Variants in SDK1 observed in about 807,000 individuals in gnomAD.
SDK1 encodes the protein protein sidekick-1.
SDK1 carries 157 observed loss-of-function variants against 245.5 expected under a neutral mutation model. The observed-to-expected ratio is 0.64, with a 90% confidence interval of 0.56 to 0.73. SDK1 has a LOEUF of 0.73. Ranked by LOEUF, SDK1 falls within the 30% of genes least tolerant of loss-of-function variation. The probability of loss-of-function intolerance (pLI) is 0.00; values close to 1 mark genes in which losing one functional copy is unlikely to be tolerated. For synonymous variants in SDK1, 1,647 were observed against 1,278.5 expected, an observed-to-expected ratio of 1.29 and a Z score of -6.15; for missense variants, 3,583 against 3,002.3, an observed-to-expected ratio of 1.19 and a Z score of -4.52.
At chr7:3,462,894 C>A (rs1003966283) in intron 1 of SDK1, among the ~76,000 whole-genome samples, 1 of 152,176 alleles carries the variant, frequency 6.6e-6, no homozygotes, top group Non-Finnish European at 1.5e-5. Context: ...ATGTTACCCC[C>A]ACCAGGTTAT....
At chr7:3,392,026 A>G (rs1404122724) in intron 1 of SDK1, among the ~76,000 whole-genome samples, 3 of 151,466 alleles carry the variant, frequency 2.0e-5, no homozygotes, top group African/African-American at 7.3e-5. Context: ...AAGACCATAC[A>G]AGGCTTTTAT....
In SDK1 at chr7:4,110,727, C is replaced by T. The variant is rs1229863512; in HGVS notation, c.3389C>T (p.Ala1130Val). The T allele has an allele frequency of 6.2e-7, 1 of 1,613,886 alleles. No individual in the cohort carries two copies. The part of the protein sequence containing the change: ...TLYEEENEPD[A>V]QMLEIPNLTP... The stretch of plus-strand genomic sequence containing the variant: ...TATGAAGAGGAGAATGAGCCTGATG[C>T]CCAGATGCTGGAGATCCCAAACCTC... Residue 1130 changes from alanine (A) to valine (V), a missense_variant, in exon 23 of 45, where the codon GCC becomes GTC. Physicochemically the swap from Ala to Val is moderately conservative, Grantham distance 64. Transcript: ENST00000404826.
rs767144879 is a variant in SDK1, at chr7:4,145,739, C to T, written c.4246C>T (p.Arg1416Cys). 5 of 1,608,362 alleles carry T rather than the reference C, an allele frequency of 3.1e-6. No individual in the cohort carries two copies. The highest frequency in any genetic ancestry group is 1.3e-5 in the African/African-American group (1 of 74,850). Residue 1416 changes from arginine to cysteine, a missense_variant, in exon 29 of 45, where the codon CGC becomes TGC. By Grantham distance (180) the Arg-to-Cys change is radical (BLOSUM62 -3). Transcript: ENST00000404826. The stretch of plus-strand genomic sequence containing the variant: ...GCCTGCAGGGTACCAGATTGCCTAC[C>T]GCCTGGCCAGCAGCAGCCCCCACAC... ...GIILGYQIAY[R>C]LASSSPHTFT...
intron 4 of SDK1, among the ~76,000 whole-genome samples, chr7:3,767,037 T>C (rs1286920293): frequency 1.3e-5 from 2 of 152,160 alleles, no homozygotes; most frequent in African/African-American, 4.8e-5. Flanking sequence ...GCCAGAGGAA[T>C]GAAGAGCTAG....
rs115906193 is a variant in SDK1, at chr7:4,131,430, T to G, written c.4130-895T>G. Among the ~76,000 whole-genome samples the G allele has an allele frequency of 4.1e-3, 617 of 152,314 alleles. 7 individuals are homozygous for G. Among genetic ancestry groups the G allele is most frequent in the African/African-American group, 0.014 (583 of 41,560 alleles). ...CCTGTGGCCTCCTACAGACATTTAT[T>G]TCACCCCAAAATAGGCGTCATAACA... On this transcript the variant is annotated intron_variant, in intron 27 of 44. Transcript: ENST00000404826.
At position 3,701,946 on chromosome 7, in the gene SDK1, GAAAA is replaced by G. The variant is rs1190012386; in HGVS notation, c.713+59844_713+59847del. ...AAGCAAAAAAAAAAAAAAAAAAAAA[GAAAA>G]AAGAAAAATTGTATCTTGACCTACA... On this transcript the variant is annotated intron_variant, in intron 4 of 44. Transcript: ENST00000404826. Among the ~76,000 whole-genome samples, 478 of 118,190 alleles carry G rather than the reference GAAAA, an allele frequency of 4.0e-3. 2 individuals carry two copies. The highest frequency in any genetic ancestry group is 0.019 in the South Asian group (70 of 3,592). The allele number at this position is 118,190 out of a possible 152,430, so 77.5% of individuals were successfully genotyped here.
intron 5 of SDK1, among the ~76,000 whole-genome samples, chr7:3,882,753 C>G (rs992791239): frequency 6.6e-6 from 1 of 151,996 alleles, no homozygotes; most frequent in Non-Finnish European, 1.5e-5. Context: ...GCCAACTTGG[C>G]AGGGTCTCTC....
chr7:3,346,545 A>T (rs1266386935), intron 1 of SDK1, among the ~76,000 whole-genome samples: 1 of 150,892 alleles, frequency 6.6e-6, no homozygotes, highest in East Asian at 1.9e-4. Flanking sequence ...TCAAGGTCTC[A>T]CTCTGTCACC....
At chr7:3,600,559 T>G (rs1381353030) in intron 1 of SDK1, among the ~76,000 whole-genome samples, 2 of 147,388 alleles carry the variant, frequency 1.4e-5, no homozygotes, top group Non-Finnish European at 3.0e-5. Flanking sequence ...TAGTTTTTTT[T>G]TTTTTTTTTT....
At chr7:3,446,102 A>G (rs1780334121) in intron 1 of SDK1, among the ~76,000 whole-genome samples, 1 of 152,050 alleles carries the variant, frequency 6.6e-6, no homozygotes, top group African/African-American at 2.4e-5. Context: ...TTTAGTTTCT[A>G]ATGAGAAATT....
intron 1 of SDK1, among the ~76,000 whole-genome samples, chr7:3,434,392 G>C (rs1779958420): frequency 6.6e-6 from 1 of 152,146 alleles, no homozygotes. Context: ...GTTGTTTTGA[G>C]GCTATGTGCC....
At chr7:4,092,036 G>GGCTTTGGGATCACAA (rs1781839622) in intron 22 of SDK1, among the ~76,000 whole-genome samples, 2 of 152,180 alleles carry the variant, frequency 1.3e-5, no homozygotes, top group Admixed American at 6.5e-5. Context: ...AAGCAGCACA[G>GGCTTTGGGATCACAA]GCTTTGGGAT....
intron 4 of SDK1, among the ~76,000 whole-genome samples, chr7:3,656,951 G>A (rs1259113928): frequency 6.6e-6 from 1 of 151,900 alleles, no homozygotes; most frequent in African/African-American, 2.4e-5. Flanking sequence ...GTTTCACCTT[G>A]TTAGCCAGGA....
chr7:4,130,324 C>G, intron 27 of SDK1: 1 of 559,758 alleles, frequency 1.8e-6, no homozygotes, highest in Non-Finnish European at 3.1e-6. Flanking sequence ...CTGAGTTTCC[C>G]TCATAACTCT....
intron 1 of SDK1, among the ~76,000 whole-genome samples, chr7:3,306,482 G>C (rs775500603): frequency 2.0e-5 from 3 of 152,138 alleles, no homozygotes; most frequent in Non-Finnish European, 4.4e-5. Context: ...ATGAATTTGA[G>C]TCCTTTAACT....
At chr7:4,066,047 G>A (rs1315575977) in intron 19 of SDK1, among the ~76,000 whole-genome samples, 1 of 152,148 alleles carries the variant, frequency 6.6e-6, no homozygotes, top group Non-Finnish European at 1.5e-5. Context: ...GGAGCTTTCA[G>A]TAGGAACCAG....
At chr7:3,943,557 T>A (rs1282538544) in intron 5 of SDK1, among the ~76,000 whole-genome samples, 2 of 150,398 alleles carry the variant, frequency 1.3e-5, no homozygotes, top group African/African-American at 2.5e-5. Flanking sequence ...CCTGGTTGTG[T>A]TCCTAGCGCG....
chr7:3,624,110 C>T (rs1423292719), intron 2 of SDK1, among the ~76,000 whole-genome samples: 1 of 152,098 alleles, frequency 6.6e-6, no homozygotes, highest in African/African-American at 2.4e-5. Context: ...TGTAGGAAAC[C>T]CACTTGCTAT....
At chr7:3,982,649 G>C (rs568800960) in intron 13 of SDK1, among the ~76,000 whole-genome samples, 3 of 152,100 alleles carry the variant, frequency 2.0e-5, no homozygotes, top group South Asian at 4.2e-4. Flanking sequence ...GACCATCCTG[G>C]CTAACATGGT....
Sources: gnomAD v4.1 joint callset for allele counts (sites outside exome capture counted in the v4.1 genomes callset) on GRCh38, gnomAD v4.1.1 for gene constraint, MANE v1.5 for transcripts, NCBI Gene and HGNC (gene_info 2026-07-23, HGNC 2026-07-21) for gene names.